The following TNRC18 variants were observed in gnomAD, a reference collection of about 807,000 sequenced individuals.
The protein encoded by TNRC18 is trinucleotide repeat-containing gene 18 protein.
A neutral mutation model predicts 226.7 loss-of-function variants in TNRC18; 69 were observed. The observed-to-expected ratio is 0.30, with a 90% CI of 0.25 to 0.37. The LOEUF (loss-of-function observed/expected upper bound fraction) is 0.37. Ranked by LOEUF, TNRC18 falls within the 10% of genes least tolerant of loss-of-function variation. The pLI is 1.00. For missense variants in TNRC18, 4,754 were observed against 4,256.6 expected, an observed-to-expected ratio of 1.12 and a Z score of -3.25; for synonymous variants, 2,449 against 1,927.6, an observed-to-expected ratio of 1.27 and a Z score of -7.09.
intron 16 of TNRC18, among the ~76,000 whole-genome samples, chr7:5,354,651 T>C (rs773986746): frequency 1.5e-4 from 23 of 152,100 alleles, no homozygotes; most frequent in Admixed American, 2.0e-4. Context: ...CTCTCATATG[T>C]CCTCAGCACA....
Position 5,394,729 on chromosome 7 carries a change from C to G in TNRC18, c.188-134G>C. On this transcript the variant is annotated intron_variant, in intron 2 of 29. Transcript: ENST00000430969. This position sits in a 1 kb window ranked among gnomAD's most constrained non-coding sequence, Gnocchi z 4.5. ...TGTGGAGCTGATGCTGGCCAGGAGA[C>G]CAAAGAGGGTTCCCCTGCTCCGGCC... 5 of 694,342 alleles carry G rather than the reference C, an allele frequency of 7.2e-6. No individual in the cohort carries two copies. The South Asian group carries it at 8.7e-5, about 12-fold the overall frequency. 43.0% of individuals were successfully genotyped at this position (694,342 alleles called of 1,614,324 possible). A position where few individuals can be genotyped will look rare whatever the true frequency, so the allele number is the denominator to read the frequency against.
chr7:5,420,245 G>C (rs1584141001), intron 2 of TNRC18: 1 of 367,658 alleles, frequency 2.7e-6, no homozygotes, highest in Non-Finnish European at 5.5e-6. Context: ...GGACCTTCTC[G>C]GCCACCTCCT....
chr7:5,321,953 G>A (rs1489330118), intron 21 of TNRC18, among the ~76,000 whole-genome samples: 1 of 151,698 alleles, frequency 6.6e-6, no homozygotes. Context: ...TTACCGGTGT[G>A]AGCCACCGTG....
At chr7:5,358,026 C>T (rs1342187794) in intron 15 of TNRC18, among the ~76,000 whole-genome samples, 2 of 151,960 alleles carry the variant, frequency 1.3e-5, no homozygotes, top group Non-Finnish European at 2.9e-5. Context: ...AGAAGGCAGC[C>T]GGATTAAGGG....
intron 18 of TNRC18, among the ~76,000 whole-genome samples, chr7:5,338,904 G>A (rs950541822): frequency 1.5e-5 from 2 of 134,260 alleles, no homozygotes; most frequent in Non-Finnish European, 3.1e-5. Context: ...TGGGCAATGA[G>A]AGCGAAACTC....
intron 12 of TNRC18, 45 bp downstream of exon 12, chr7:5,362,605 C>T (rs1793170982): frequency 1.3e-6 from 2 of 1,483,576 alleles, no homozygotes; most frequent in Non-Finnish European, 1.8e-6. Context: ...GCCTCCCACC[C>T]AGCCTCCCCC....
At chr7:5,364,196 G>A (rs59191820) in intron 11 of TNRC18, among the ~76,000 whole-genome samples, 56,204 of 151,892 alleles carry the variant, frequency 0.37, 10,488 homozygotes, top group Non-Finnish European at 0.39. Context: ...CTATTCGGGG[G>A]TTGAGGCATA....
chr7:5,342,527 G>A (rs1326760714), intron 18 of TNRC18, among the ~76,000 whole-genome samples: 1 of 152,202 alleles, frequency 6.6e-6, no homozygotes, highest in African/African-American at 2.4e-5. Context: ...CAGACGTGGT[G>A]GAAACAGCAA....
At chr7:5,329,884 C>A in intron 19 of TNRC18, 1 of 469,752 alleles carries the variant, frequency 2.1e-6, no homozygotes, top group Admixed American at 2.4e-5. Flanking sequence ...TTCCTGGCAT[C>A]TGAACAGCTG....
chr7:5,327,016 C>T lies in TNRC18; in HGVS notation c.6148-1768G>A, dbSNP rs181076307. ...GCACACGCCTGTAGTCCCAGCTACT[C>T]GGGAGGCTGAGGCAGGAGAATCGCT... On this transcript the variant is annotated intron_variant, in intron 19 of 29. Transcript: ENST00000430969. 8.9e-3 allele frequency among the ~76,000 whole-genome samples: 1,355 copies of T among 151,908 alleles called. 21 individuals carry two copies. Among genetic ancestry groups the T allele is most frequent in the African/African-American group, 0.031 (1,281 of 41,406 alleles).
intron 5 of TNRC18, among the ~76,000 whole-genome samples, chr7:5,384,397 A>G (rs995966630): frequency 2.6e-5 from 4 of 152,132 alleles, no homozygotes; most frequent in Admixed American, 2.0e-4. Context: ...CACCATACCC[A>G]GCCCCCAACC....
chr7:5,372,815 G>C (rs1270001855), intron 10 of TNRC18, among the ~76,000 whole-genome samples: 1 of 152,118 alleles, frequency 6.6e-6, no homozygotes, highest in African/African-American at 2.4e-5. Context: ...TTGAGCCCAG[G>C]AGATCAAGAC....
At position 5,313,251 on chromosome 7, in the gene TNRC18, G is replaced by A; in HGVS notation, c.7640C>T (p.Ala2547Val). The A allele has an allele frequency of 6.5e-7, 1 of 1,548,788 alleles. No homozygotes were observed. The highest frequency in any genetic ancestry group is 1.2e-5 in the South Asian group (1 of 83,970). ...TTCGGCCCCGTCCTGCTCAGCCTGG[G>A]CCTTGTCTGGGCTCTTGGGGTTCCC... ...DSGNPKSPDKAQAEQDGAEES... is the reference protein window; with the variant it reads ...DSGNPKSPDKVQAEQDGAEES... The change falls in exon 27 of 30, where the codon GCC becomes GTC. Residue 2547 changes from alanine to valine, a missense_variant. Physicochemically the swap from Ala to Val is moderately conservative, Grantham distance 64 (BLOSUM62 0). Coordinates refer to ENST00000430969, the MANE Select transcript of TNRC18 (RefSeq NM_001080495.3).
intron 5 of TNRC18, among the ~76,000 whole-genome samples, chr7:5,381,493 T>A (rs577857008): frequency 1.3e-5 from 2 of 152,230 alleles, no homozygotes; most frequent in South Asian, 4.2e-4. Flanking sequence ...CCACCTCTGC[T>A]CCATCACGTT....
At chr7:5,410,663 C>A (rs888099544) in intron 2 of TNRC18, among the ~76,000 whole-genome samples, 2 of 151,352 alleles carry the variant, frequency 1.3e-5, no homozygotes, top group African/African-American at 4.9e-5. Context: ...GCCAGAAGTT[C>A]GAAACCAGCC....
At chr7:5,378,674 T>A (rs1004114299) in intron 5 of TNRC18, among the ~76,000 whole-genome samples, 4 of 151,574 alleles carry the variant, frequency 2.6e-5, no homozygotes, top group Non-Finnish European at 5.9e-5. Flanking sequence ...CACCTCAGCC[T>A]CCCAGAGTGC....
chr7:5,318,568 C>G (rs1788066317), intron 24 of TNRC18, among the ~76,000 whole-genome samples: 1 of 150,912 alleles, frequency 6.6e-6, no homozygotes, highest in Admixed American at 6.7e-5. Context: ...GCTTCAAAAT[C>G]AAAGCCTCCC....
chr7:5,366,300 G>GTT (rs1393832321), intron 11 of TNRC18, among the ~76,000 whole-genome samples: 1 of 106,128 alleles, frequency 9.4e-6, no homozygotes, highest in Non-Finnish European at 1.9e-5. Flanking sequence ...GAGAATGCTT[G>GTT]TTTTGCTCTT....
At chr7:5,390,444 A>G in intron 4 of TNRC18, 41 bp downstream of exon 4, 1 of 1,611,530 alleles carries the variant, frequency 6.2e-7, no homozygotes, top group Non-Finnish European at 8.5e-7. Context: ...AGCCTCTCAG[A>G]AGGCCCCTGT....
Sources: gnomAD v4.1 joint callset for allele counts (sites outside exome capture counted in the v4.1 genomes callset) on GRCh38, gnomAD v4.1.1 for gene constraint, Gnocchi (gnomAD v3.1) non-coding constraint, MANE v1.5 for transcripts, NCBI Gene and HGNC (gene_info 2026-07-23, HGNC 2026-07-21) for gene names.